The following PGAM2 variants were observed in gnomAD, a reference collection of about 807,000 sequenced individuals.
PGAM2 encodes the protein phosphoglycerate mutase 2.
Under a neutral mutation model 22.5 loss-of-function variants are expected in PGAM2, and 23 were observed. The ratio of observed to expected loss-of-function variants is 1.02; its 90% CI spans 0.74 to 1.45. The LOEUF (loss-of-function observed/expected upper bound fraction) is 1.45, where lower values mean the gene tolerates loss of function less well. PGAM2 is among the 40% of genes most tolerant of loss of function. The probability of loss-of-function intolerance (pLI) is 0.00; values close to 1 mark genes in which losing one functional copy is unlikely to be tolerated. For missense variants in PGAM2, 349 were observed against 356.2 expected, an observed-to-expected ratio of 0.98 and a Z score of 0.16; for synonymous variants, 133 against 138.6, an observed-to-expected ratio of 0.96 and a Z score of 0.29.
chr7:44,063,131 T>G (rs2096152283), intron 2 of PGAM2: 1 of 613,794 alleles, frequency 1.6e-6, no homozygotes, highest in Non-Finnish European at 2.9e-6. Flanking sequence ...AATAGCCCAG[T>G]GGTGAAAAAA....
In PGAM2 at chr7:44,065,566, A is replaced by G. The variant is rs2096158510; in HGVS notation, c.-37T>C. 3 of 1,599,962 alleles carry G rather than the reference A, an allele frequency of 1.9e-6. No homozygotes were observed. Among genetic ancestry groups the G allele is most frequent in the Non-Finnish European group, 2.6e-6 (3 of 1,169,222 alleles). On this transcript the variant is annotated 5_prime_UTR_variant, in exon 1 of 3. Transcript: ENST00000297283. ...GGACCACAGAGGACTCTGGACGGGG[A>G]CGGCTGCTTCCCAACACTCCCAGCT... is the stretch of plus-strand genomic sequence containing the variant.
chr7:44,065,298 A>T lies in PGAM2; in HGVS notation c.232T>A (p.Trp78Arg). 1 of 1,613,682 alleles carries T rather than the reference A, an allele frequency of 6.2e-7. No homozygotes were observed. ...WAILDGTDQM[W>R]LPVVRTWRLN... ...CGCCAAGTGCGCACCACAGGCAGCC[A>T]CATCTGGTCCGTGCCGTCCAGGATG... Residue 78 changes from tryptophan to arginine, a missense_variant, in exon 1 of 3, where the codon TGG (tryptophan) becomes AGG (arginine). Trp to Arg is a moderately radical substitution (Grantham distance 101). Coordinates refer to ENST00000297283, the MANE Select transcript of PGAM2 (RefSeq NM_000290.4).
intron 2 of PGAM2, chr7:44,063,247 G>A (rs560899906): frequency 3.0e-5 from 13 of 440,272 alleles, no homozygotes; most frequent in Admixed American, 1.8e-4. Flanking sequence ...GGGTCAGGAA[G>A]GGACACTCAC....
chr7:44,063,264 T>A (rs6463215), intron 2 of PGAM2: 1 of 294,296 alleles, frequency 3.4e-6, no homozygotes, highest in East Asian at 8.1e-5. Context: ...TCACCCTTTG[T>A]TTTTTTTTTT....
rs104894034 is a variant in PGAM2, at chr7:44,065,262, G to A, written c.268C>T (p.Arg90Trp). 1.7e-5 allele frequency: 27 copies of A among 1,613,672 alleles called. 1 individual carries two copies. The highest frequency in any genetic ancestry group is 1.6e-4 in the Middle Eastern group (1 of 6,062). The change falls in exon 1 of 3, where the codon CGG (arginine) becomes TGG (tryptophan). Residue 90 changes from arginine to tryptophan, a missense_variant. Physicochemically the swap from Arg to Trp is moderately radical, Grantham distance 101. Transcript: ENST00000297283. ...PVVRTWRLNE[R>W]HYGGLTGLNK... ...AGGCCTGTGAGGCCCCCGTAATGCCGCTCATTGAGGCGCCAAGTGCGCACC... is the reference window on the plus strand; with the variant it reads ...AGGCCTGTGAGGCCCCCGTAATGCCACTCATTGAGGCGCCAAGTGCGCACC...
At chr7:44,064,799 C>CCCCCCAGCCCACGCTCCAGGAGGTGGGCT in intron 2 of PGAM2, 33 bp downstream of exon 2, 1 of 1,212,908 alleles carries the variant, frequency 8.2e-7, no homozygotes, top group Non-Finnish European at 1.2e-6. Context: ...TGCTGCCCAC[C>CCCCCCAGCCCACGCTCCAGGAGGTGGGCT]CACCCTGCCC....
Position 44,065,546 on chromosome 7 carries a change from A to G in PGAM2, c.-17T>C, listed in dbSNP as rs1429877232. On this transcript the variant is annotated 5_prime_UTR_variant, in exon 1 of 3. Coordinates refer to ENST00000297283, the MANE Select transcript of PGAM2 (RefSeq NM_000290.4). Reference sequence around the variant, plus strand: ...AGTGGCCATGGTGGCAGCAGGGACCACAGAGGACTCTGGACGGGGACGGCT... The same window carrying G: ...AGTGGCCATGGTGGCAGCAGGGACCGCAGAGGACTCTGGACGGGGACGGCT... 6.2e-7 allele frequency: 1 copy of G among 1,612,920 alleles called. No homozygotes were observed.
intron 2 of PGAM2, chr7:44,063,524 C>A: frequency 5.9e-6 from 1 of 170,546 alleles, no homozygotes; most frequent in South Asian, 1.3e-4. Flanking sequence ...AGGTGATCTG[C>A]CTGCCTCAGC....
rs770104295 is a variant in PGAM2 at position 44,065,501 on chromosome 7, C to G, written c.29G>C (p.Arg10Pro). 97 of 1,613,928 alleles carry G rather than the reference C, an allele frequency of 6.0e-5. No individual in the cohort carries two copies. Among genetic ancestry groups the G allele is most frequent in the Non-Finnish European group, 7.6e-5 (90 of 1,180,046 alleles). The stretch of plus-strand genomic sequence containing the variant: ...CTGGTTCCATGTGCTCTCGCCGTGC[C>G]GGACCATCACGAGGCGGTGAGTGGC... MATHRLVMV[R>P]HGESTWNQEN... Residue 10 changes from arginine to proline, a missense_variant, in exon 1 of 3, where the codon CGG becomes CCG. Transcript: ENST00000297283.
intron 2 of PGAM2, chr7:44,063,851 A>T (rs926617214): frequency 2.0e-5 from 3 of 152,342 alleles, no homozygotes; most frequent in African/African-American, 4.8e-5. Flanking sequence ...CCTTTCCCCA[A>T]ACCAGGCTGT....
rs755472072 is a variant in PGAM2 at position 44,064,952 on chromosome 7, T to C, written c.475A>G (p.Thr159Ala). 2 of 1,609,144 alleles carry C rather than the reference T, an allele frequency of 1.2e-6. No homozygotes were observed. The highest frequency in any genetic ancestry group is 1.7e-6 in the Non-Finnish European group (2 of 1,179,682). The change falls in exon 2 of 3, where the codon ACC becomes GCC. Residue 159 changes from threonine (T) to alanine (A), a missense_variant. Physicochemically the swap from Thr to Ala is moderately conservative, Grantham distance 58 (BLOSUM62 0). Transcript: ENST00000297283. ...ELPTCESLKD[T>A]IARALPFWNE... is the part of the protein sequence containing the mutation. ...CAGAAGGGCAGGGCCCGGGCAATGG[T>C]GTCCTTGAGGCTCTCGCAGGTGGGG... is the stretch of plus-strand genomic sequence containing the variant.
intron 2 of PGAM2, chr7:44,063,345 C>T (rs1484289323): frequency 7.2e-6 from 2 of 278,022 alleles, no homozygotes; most frequent in Non-Finnish European, 1.4e-5. Flanking sequence ...AGTGCAGTGG[C>T]ACGATCTTGG....
At position 44,064,754 on chromosome 7, in the gene PGAM2, G is replaced by A. The variant is rs148526409; in HGVS notation, c.595+78C>T. The A allele has an allele frequency of 8.1e-5, 105 of 1,291,876 alleles. 3 individuals are homozygous for A. In the South Asian group the frequency reaches 1.1e-3, roughly 13 times the overall value. 80.0% of individuals were successfully genotyped at this position (1,291,876 alleles called of 1,614,324 possible). On this transcript the variant is annotated intron_variant, in intron 2 of 2. Transcript: ENST00000297283. ...CGCCTAGAAAGCCTGGTCCATGGGCGAGAGACTTTGCTGAGATGAGAAGCC... is the reference window on the plus strand; with the variant it reads ...CGCCTAGAAAGCCTGGTCCATGGGCAAGAGACTTTGCTGAGATGAGAAGCC...
chr7:44,064,793 G>GGCCCCCCCCCCCCCCCC, intron 2 of PGAM2, 39 bp downstream of exon 2: 27 of 1,136,882 alleles, frequency 2.4e-5, no homozygotes, highest in East Asian at 1.2e-4. Context: ...TGGGGCTGCT[G>GGCCCCCCCCCCCCCCCC]CCCACCCACC....
intron 2 of PGAM2, 39 bp downstream of exon 2, chr7:44,064,793 G>GGCCCCCCCCCCCAC: frequency 1.8e-6 from 2 of 1,136,970 alleles, no homozygotes; most frequent in African/African-American, 1.5e-5. Flanking sequence ...TGGGGCTGCT[G>GGCCCCCCCCCCCAC]CCCACCCACC....
intron 2 of PGAM2, chr7:44,063,341 G>A (rs6463216): frequency 0.26 from 72,069 of 279,138 alleles, 10,429 homozygotes; most frequent in African/African-American, 0.41. Flanking sequence ...CTGGAGTGCA[G>A]TGGCACGATC....
chr7:44,062,794 C>T lies in PGAM2; in HGVS notation c.732G>A (p.Glu244=). The T allele has an allele frequency of 6.8e-6, 11 of 1,614,242 alleles. No individual in the cohort carries two copies. Among genetic ancestry groups the T allele is most frequent in the Non-Finnish European group, 9.3e-6 (11 of 1,180,058 alleles). Reference sequence around the variant, plus strand: ...TGGCCTTGCCCTGGGCAGCCACAGCCTCCATGGCCTTCCGCACCGTTTCCT... The same window carrying T: ...TGGCCTTGCCCTGGGCAGCCACAGCTTCCATGGCCTTCCGCACCGTTTCCT... ...GDEETVRKAM[E]AVAAQGKAK The change falls in exon 3 of 3, where the codon GAG becomes GAA. Residue 244 remains glutamate, a synonymous_variant. Transcript: ENST00000297283.
At chr7:44,065,089 G>C (rs1186869936) in intron 1 of PGAM2, 27 bp downstream of exon 1, 8 of 1,613,000 alleles carry the variant, frequency 5.0e-6, no homozygotes, top group Non-Finnish European at 6.8e-6. Flanking sequence ...CAGCTTCCCA[G>C]AGGCCTTCCC....
In PGAM2 at chr7:44,062,933, A is replaced by G. The variant is rs367994618; in HGVS notation, c.596-3T>C. ...CATGATCGCCTGGTCTGACATCCCT[A>G]TGCCGGAAGGAATAGGTGTCCTTAG... On this transcript the variant is annotated splice_region_variant and splice_polypyrimidine_tract_variant and intron_variant, in intron 2 of 2. Coordinates refer to ENST00000297283, the MANE Select transcript of PGAM2 (RefSeq NM_000290.4). The G allele has an allele frequency of 4.3e-4, 694 of 1,614,190 alleles. 8 individuals carry two copies. The South Asian group carries it at 6.8e-3, about 16-fold the overall frequency.
Sources: gnomAD v4.1 joint callset for allele counts on GRCh38, gnomAD v4.1.1 for gene constraint, MANE v1.5 for transcripts, NCBI Gene and HGNC (gene_info 2026-07-23, HGNC 2026-07-21) for gene names.